The following KAZN variants were observed in gnomAD, a reference collection of about 807,000 sequenced individuals.
KAZN encodes kazrin.
A neutral mutation model predicts 87.4 loss-of-function variants in KAZN; 40 were observed. The ratio of observed to expected loss-of-function variants is 0.46; its 90% CI spans 0.36 to 0.60. The LOEUF (loss-of-function observed/expected upper bound fraction) is 0.60. Among genes scored for constraint, KAZN ranks in the 20% least tolerant of loss-of-function variants. KAZN has a pLI of 0.00. For synonymous variants in KAZN, 466 were observed against 458.3 expected (o/e 1.02, Z -0.22); for missense variants, 898 against 1,073.9 (o/e 0.84, Z 2.29).
chr1:14,764,558 C>T (rs1644838230), intron 1 of KAZN, among the ~76,000 whole-genome samples: 2 of 152,040 alleles, frequency 1.3e-5, no homozygotes, highest in South Asian at 4.1e-4. Flanking sequence ...ATACGGTTGC[C>T]TGTTTTGTTG....
chr1:14,847,718 C>T (rs377554937), intron 1 of KAZN, among the ~76,000 whole-genome samples: 2 of 152,242 alleles, frequency 1.3e-5, no homozygotes, highest in South Asian at 2.1e-4. Flanking sequence ...CAGTGGCTCA[C>T]GCCTGTTATC....
chr1:14,648,628 TG>T (rs1680988090), intron 1 of KAZN, among the ~76,000 whole-genome samples: 1 of 152,166 alleles, frequency 6.6e-6, no homozygotes, highest in South Asian at 2.1e-4. Flanking sequence ...GATTGGAACT[TG>T]GACACTTGAC....
In KAZN at chr1:15,116,131, G is replaced by A. The variant is rs938476071; in HGVS notation, c.*1496G>A. The A allele has an allele frequency of 6.6e-5, 10 of 152,180 alleles. No homozygotes were observed. The highest frequency in any genetic ancestry group is 5.9e-4 in the Admixed American group (9 of 15,286). The allele number at this position is 152,180 out of a possible 1,614,324, so 9.4% of individuals were successfully genotyped here. A position where few individuals can be genotyped will look rare whatever the true frequency, so the allele number is the denominator to read the frequency against. ...GATTAGGGAAGGACGGATGCATTGC[G>A]ATTCTGCTTACACATCGGGTTATCA... On this transcript the variant is annotated 3_prime_UTR_variant, in exon 15 of 15. Coordinates refer to ENST00000376030, the MANE Select transcript of KAZN (RefSeq NM_201628.3).
At chr1:15,048,146 C>G (rs1008740102) in intron 4 of KAZN, among the ~76,000 whole-genome samples, 3 of 152,234 alleles carry the variant, frequency 2.0e-5, no homozygotes, top group African/African-American at 2.4e-5. Context: ...CGTCCCTCCC[C>G]CCATGTCCTG....
intron 1 of KAZN, among the ~76,000 whole-genome samples, chr1:14,944,290 G>A (rs1016884867): frequency 6.6e-6 from 1 of 150,426 alleles, no homozygotes; most frequent in African/African-American, 2.5e-5. Flanking sequence ...TTGGTTCACA[G>A]ACTAAACTGC....
At chr1:14,078,966 G>A (rs61775667) in intron 1 of KAZN, among the ~76,000 whole-genome samples, 23,091 of 152,186 alleles carry the variant, frequency 0.15, 2,375 homozygotes, top group Middle Eastern at 0.29. Context: ...GATTACAGGC[G>A]TGAGCCACCG....
At chr1:14,616,947 C>T (rs1440217558) in intron 1 of KAZN, among the ~76,000 whole-genome samples, 1 of 152,218 alleles carries the variant, frequency 6.6e-6, no homozygotes, top group Non-Finnish European at 1.5e-5. Context: ...CCTTACAAGT[C>T]CAGGGGATGG....
intron 2 of KAZN, among the ~76,000 whole-genome samples, chr1:14,478,849 C>T (rs1283489071): frequency 6.6e-6 from 1 of 152,146 alleles, no homozygotes; most frequent in Non-Finnish European, 1.5e-5. Flanking sequence ...AAAGCAGACC[C>T]TGAGGCAAAG....
intron 2 of KAZN, 140 bp from the exon 3 acceptor site, chr1:15,034,609 A>G: frequency 9.6e-7 from 1 of 1,038,822 alleles, no homozygotes; most frequent in Non-Finnish European, 1.4e-6. Context: ...GCAAGGGCAC[A>G]TGGAAGGGAC....
intron 1 of KAZN, chr1:14,924,684 A>C: frequency 5.3e-6 from 3 of 562,688 alleles, no homozygotes; most frequent in Non-Finnish European, 4.5e-6. Flanking sequence ...CGCTGGTGGC[A>C]AAGTTCTCGC....
chr1:14,541,308 G>C (rs1557787186), intron 2 of KAZN, among the ~76,000 whole-genome samples: 1 of 152,194 alleles, frequency 6.6e-6, no homozygotes, highest in African/African-American at 2.4e-5. Flanking sequence ...TTATGGGACA[G>C]ACCAATGAAA....
chr1:14,910,152 A>G (rs2803387), intron 1 of KAZN, among the ~76,000 whole-genome samples: 149,367 of 152,274 alleles, frequency 0.98, 73,303 homozygotes, highest in Middle Eastern at 1. Flanking sequence ...GCTCTGGGAT[A>G]TCTGTGGCCT....
chr1:14,195,394 A>T (rs1646505937), intron 2 of KAZN, among the ~76,000 whole-genome samples: 1 of 151,942 alleles, frequency 6.6e-6, no homozygotes, highest in Admixed American at 6.6e-5. Context: ...GTTTATTAGG[A>T]TTGAGTCCCA....
intron 2 of KAZN, among the ~76,000 whole-genome samples, chr1:14,416,038 G>T (rs548998011): frequency 6.6e-6 from 1 of 152,150 alleles, no homozygotes; most frequent in Non-Finnish European, 1.5e-5. Context: ...AGGCAAAAAT[G>T]GGCTGCTGAA....
At chr1:14,622,413 A>G (rs935083591) in intron 1 of KAZN, among the ~76,000 whole-genome samples, 6 of 152,158 alleles carry the variant, frequency 3.9e-5, no homozygotes, top group African/African-American at 1.4e-4. Context: ...TATTAAGGCC[A>G]GGCGTGGTGG....
intron 1 of KAZN, among the ~76,000 whole-genome samples, chr1:14,032,235 C>T (rs1345269791): frequency 6.6e-6 from 1 of 152,224 alleles, no homozygotes; most frequent in African/African-American, 2.4e-5. Flanking sequence ...GTGTTAGACA[C>T]TGTTCTAAGT....
intron 1 of KAZN, among the ~76,000 whole-genome samples, chr1:14,027,649 T>A (rs775320918): frequency 3.9e-5 from 6 of 152,210 alleles, no homozygotes; most frequent in Non-Finnish European, 5.9e-5. Flanking sequence ...TACAGTCAGC[T>A]GTCTCATCAT....
chr1:14,836,441 T>C (rs571986459), intron 1 of KAZN, among the ~76,000 whole-genome samples: 1 of 152,248 alleles, frequency 6.6e-6, no homozygotes, highest in East Asian at 1.9e-4. Context: ...TTGTTGCGAG[T>C]GGCAAGTGGG....
chr1:15,027,070 CTTTTTTTTTTTTTT>C (rs71000358), intron 2 of KAZN, among the ~76,000 whole-genome samples: 1 of 56,116 alleles, frequency 1.8e-5, no homozygotes, highest in Non-Finnish European at 3.1e-5. Context: ...GCCAGTGCTT[CTTTTTTTTTTTTTT>C]TTTTTTTTTT....
Sources: gnomAD v4.1 joint callset for allele counts (sites outside exome capture counted in the v4.1 genomes callset) on GRCh38, gnomAD v4.1.1 for gene constraint, MANE v1.5 for transcripts, NCBI Gene and HGNC (gene_info 2026-07-23, HGNC 2026-07-21) for gene names.